CPT1C: variants seen among roughly 807,000 people sequenced by gnomAD.
The protein encoded by CPT1C is carnitine palmitoyltransferase 1C, also known as palmitoyl thioesterase CPT1C.
CPT1C carries 61 observed loss-of-function variants against 97.3 expected under a neutral mutation model. The ratio of observed to expected loss-of-function variants is 0.63; its 90% CI spans 0.51 to 0.78. The LOEUF is 0.78. Among genes scored for constraint, CPT1C ranks in the 30% least tolerant of loss-of-function variants. The pLI is 0.00. For missense variants in CPT1C, 975 were observed against 1,065.5 expected (o/e 0.92, Z 1.18); for synonymous variants, 469 against 447.2 (o/e 1.05, Z -0.61).
intron 17 of CPT1C, chr19:49,712,228 A>C: frequency 4.6e-6 from 2 of 437,836 alleles, no homozygotes; most frequent in South Asian, 4.9e-5. Context: ...CTGTAATCCC[A>C]GCTACTTGGG....
At position 49,701,395 on chromosome 19, in the gene CPT1C, T is replaced by C. The variant is rs749042241; in HGVS notation, c.532T>C (p.Ser178Pro). Residue 178 changes from serine (S) to proline (P), a missense_variant, in exon 6 of 20, where the codon TCT becomes CCT. Around this residue, in one of 3 missense-constraint regions of CPT1C, gnomAD observed 596 missense variants for 603.1 expected, o/e 0.99. Coordinates refer to ENST00000598293, the MANE Select transcript of CPT1C (RefSeq NM_001199753.2). ...QRSLPRQPVP[S>P]VQDTVRKYLE... ...CTCCCTGCCACGCCAGCCCGTGCCC[T>C]CTGTGCAGGACACCGTGCGCAAGGT... 8.7e-6 allele frequency: 14 copies of C among 1,613,286 alleles called. No homozygotes were observed. The Admixed American group carries it at 1.8e-4, about 21-fold the overall frequency.
chr19:49,699,454 C>G (rs1397164063), intron 4 of CPT1C, among the ~76,000 whole-genome samples: 1 of 48,334 alleles, frequency 2.1e-5, no homozygotes, highest in Non-Finnish European at 3.9e-5. Context: ...AGACCCCTGT[C>G]TCTAAAAAAA....
At position 49,692,265 on chromosome 19, in the gene CPT1C, C is replaced by A. The variant is rs752270736; in HGVS notation, c.13C>A (p.His5Asn). The A allele has an allele frequency of 3.7e-6, 6 of 1,613,828 alleles. No individual in the cohort carries two copies. In the East Asian group the frequency reaches 1.1e-4, roughly 30 times the overall value. Reference sequence around the variant, plus strand: ...GCTCCAGCGTGACATGGCTGAAGCGCACCAGGCCGTGGGCTTCCGACCCTC... The same window carrying A: ...GCTCCAGCGTGACATGGCTGAAGCGAACCAGGCCGTGGGCTTCCGACCCTC... The part of the protein sequence containing the change: MAEA[H>N]QAVGFRPSLT... Residue 5 changes from histidine (H) to asparagine (N), a missense_variant, in exon 3 of 20, where the codon CAC becomes AAC. Transcript: ENST00000598293.
chr19:49,702,097 A>C (rs1312406791), intron 7 of CPT1C, among the ~76,000 whole-genome samples: 1 of 115,670 alleles, frequency 8.6e-6, no homozygotes, highest in African/African-American at 3.5e-5. Flanking sequence ...ATTTATTTAT[A>C]AATTATAAAT....
Position 49,706,101 on chromosome 19 carries a change from C to T in CPT1C, c.1157C>T (p.Pro386Leu). The change falls in exon 11 of 20, where the codon CCC becomes CTC. Residue 386 changes from proline to leucine, a missense_variant. Pro to Leu is a moderately conservative substitution (Grantham distance 98, BLOSUM62 -3). This residue lies in a region of CPT1C where 596 missense variants were observed against 603.1 expected (regional missense o/e 0.99). Transcript: ENST00000598293. The surrounding 1 kb of genome is among the most constrained non-coding windows in gnomAD (Gnocchi z 4.8). ...CATCTGGCAGCTCTGACAGCTGCTC[C>T]CAGGTAAGGGTCAGGGGTCAGGGGT... is the stretch of plus-strand genomic sequence containing the variant. The part of the protein sequence containing the change: ...EEHLAALTAA[P>L]RGTWAQVRTS... The T allele has an allele frequency of 6.2e-7, 1 of 1,612,712 alleles. No homozygotes were observed. Among genetic ancestry groups the T allele is most frequent in the Non-Finnish European group, 8.5e-7 (1 of 1,179,224 alleles).
At chr19:49,703,000 A>T (rs1600096428) in intron 7 of CPT1C, among the ~76,000 whole-genome samples, 2 of 152,034 alleles carry the variant, frequency 1.3e-5, no homozygotes, top group African/African-American at 2.4e-5. Flanking sequence ...CTGGAGAAGT[A>T]AAAGGGAATG....
chr19:49,712,551 T>G, intron 17 of CPT1C, 185 bp from the exon 18 acceptor site: 3 of 530,646 alleles, frequency 5.7e-6, no homozygotes, highest in South Asian at 2.6e-5. Context: ...GGGACGTGGG[T>G]GTGGGTGGTG....
chr19:49,709,551 C>A (rs1203941769), intron 14 of CPT1C, among the ~76,000 whole-genome samples: 2 of 150,256 alleles, frequency 1.3e-5, no homozygotes, highest in Non-Finnish European at 2.9e-5. Context: ...CCATCCCTAT[C>A]CCCATTTTTT....
intron 14 of CPT1C, 152 bp from the exon 15 acceptor site, chr19:49,710,168 C>T: frequency 2.6e-6 from 2 of 772,934 alleles, no homozygotes; most frequent in Non-Finnish European, 4.2e-6. Flanking sequence ...TCTTTAGTCT[C>T]ATCCTTCAAT....
chr19:49,700,172 A>G (rs1335897440), intron 4 of CPT1C, among the ~76,000 whole-genome samples: 1 of 151,268 alleles, frequency 6.6e-6, no homozygotes. Flanking sequence ...GCGTGAACCC[A>G]GGAGGCGGAG....
At chr19:49,695,584 C>CTTT (rs71180646) in intron 3 of CPT1C, among the ~76,000 whole-genome samples, 8 of 93,172 alleles carry the variant, frequency 8.6e-5, no homozygotes, top group Non-Finnish European at 1.4e-4. Flanking sequence ...TGCACCTGGC[C>CTTT]TTTTTTTTTT....
chr19:49,701,159 C>CCCTCTCTCTGGGTCTCTGTCCA (rs2083026308), intron 5 of CPT1C, among the ~76,000 whole-genome samples, 158 bp from the exon 6 acceptor site: 1 of 150,692 alleles, frequency 6.6e-6, no homozygotes, highest in Non-Finnish European at 1.5e-5. Context: ...GTCTCTGTCC[C>CCCTCTCTCTGGGTCTCTGTCCA]CTGTCTCTGG....
At chr19:49,710,530 C>G (rs779349284) in intron 15 of CPT1C, 46 bp downstream of exon 15, 1 of 1,607,944 alleles carries the variant, frequency 6.2e-7, no homozygotes, top group South Asian at 1.1e-5. Context: ...TCTCAGTCCA[C>G]CTGAGCCCCC....
intron 7 of CPT1C, among the ~76,000 whole-genome samples, chr19:49,703,950 C>T (rs539951808): frequency 1.4e-4 from 21 of 151,910 alleles, no homozygotes; most frequent in Non-Finnish European, 2.8e-4. Flanking sequence ...TTTATTGTAC[C>T]TCCAAGCCAA....
chr19:49,701,519 T>A lies in CPT1C; in HGVS notation c.578T>A (p.Ile193Asn). ...TAGTACCTGGAGTCGGTCCGGCCCA[T>A]CCTCTCCGACGAGGACTTCGACTGG... is the stretch of plus-strand genomic sequence containing the variant. ...VRKYLESVRP[I>N]LSDEDFDWTA... Residue 193 changes from isoleucine (I) to asparagine (N), a missense_variant, in exon 7 of 20, where the codon ATC becomes AAC. Ile to Asn is a moderately radical substitution (Grantham distance 149). Coordinates refer to ENST00000598293, the MANE Select transcript of CPT1C (RefSeq NM_001199753.2). 1 of 1,611,120 alleles carries A rather than the reference T, an allele frequency of 6.2e-7. No homozygotes were observed. The highest frequency in any genetic ancestry group is 8.5e-7 in the Non-Finnish European group (1 of 1,178,178).
rs2083988180 is a variant in CPT1C, at chr19:49,712,787, A to G, written c.2071A>G (p.Met691Val). 3.1e-6 allele frequency: 5 copies of G among 1,613,928 alleles called. No individual in the cohort carries two copies. Among genetic ancestry groups the G allele is most frequent in the Non-Finnish European group, 4.2e-6 (5 of 1,180,002 alleles). Residue 691 changes from methionine (M) to valine (V), a missense_variant, in exon 18 of 20, where the codon ATG (methionine) becomes GTG (valine). Around this residue, in one of 3 missense-constraint regions of CPT1C, gnomAD observed 344 missense variants for 395.7 expected, o/e 0.87. Transcript: ENST00000598293. ...CACCAGCCAGATCCCTGTTCAGCAA[A>G]TGCATCTGTTTGACGTCCACAATTA... ...LSTSQIPVQQ[M>V]HLFDVHNYPD...
rs184989878 is a variant in CPT1C, at chr19:49,698,118, A to C, written c.281+653A>C. Among the ~76,000 whole-genome samples, 52 of 151,494 alleles carry C rather than the reference A, an allele frequency of 3.4e-4. 2 individuals are homozygous for C. In the East Asian group the frequency reaches 8.0e-3, roughly 23 times the overall value. On this transcript the variant is annotated intron_variant, in intron 4 of 19. Transcript: ENST00000598293. ...AGTGGCTCATGCCTGTAATCCCAGC[A>C]CTTTTGGAGGCCAAGGCAGGAGGAT...
rs150959065 is a variant in CPT1C, at chr19:49,711,874, C to T, written c.1932C>T (p.Ala644=). 2 of 1,614,004 alleles carry T rather than the reference C, an allele frequency of 1.2e-6. No homozygotes were observed. Among genetic ancestry groups the T allele is most frequent in the Non-Finnish European group, 1.7e-6 (2 of 1,180,050 alleles). Residue 644 remains alanine (A), a synonymous_variant, in exon 17 of 20, where the codon GCC becomes GCT. Coordinates refer to ENST00000598293, the MANE Select transcript of CPT1C (RefSeq NM_001199753.2). ...VDKHQALLKA[A]MSGQGVDRHL... ...AGCACCAGGCTCTGCTGAAGGCAGCCATGAGCGGGCAGGGAGTTGACCGCC... is the reference window on the plus strand; with the variant it reads ...AGCACCAGGCTCTGCTGAAGGCAGCTATGAGCGGGCAGGGAGTTGACCGCC...
At chr19:49,713,187 G>T in intron 19 of CPT1C, 123 bp downstream of exon 19, 1 of 904,738 alleles carries the variant, frequency 1.1e-6, no homozygotes, top group Non-Finnish European at 1.7e-6. Flanking sequence ...TCAGACCCAG[G>T]AGTCCAGGCC....
Sources: allele counts gnomAD v4.1 joint callset (sites outside exome capture counted in the v4.1 genomes callset), GRCh38; gene constraint gnomAD v4.1.1; regional missense constraint gnomAD v4.1.1; non-coding constraint Gnocchi (gnomAD v3.1); transcripts MANE v1.5; gene names NCBI Gene and HGNC (gene_info 2026-07-23, HGNC 2026-07-21).